Variants in ABCC3 observed in about 807,000 individuals in gnomAD.
ABCC3 encodes ATP binding cassette subfamily C member 3.
In ABCC3, 121 loss-of-function variants were observed where a neutral mutation model predicts 165.3. The ratio of observed to expected loss-of-function variants is 0.73; its 90% CI spans 0.63 to 0.85. The LOEUF (loss-of-function observed/expected upper bound fraction) is 0.85. Among genes scored for constraint, ABCC3 ranks in the 40% least tolerant of loss-of-function variants. The probability of loss-of-function intolerance (pLI) is 0.00; values close to 1 mark genes in which losing one functional copy is unlikely to be tolerated. For synonymous variants in ABCC3, 733 were observed against 810.1 expected (o/e 0.90, Z 1.62); for missense variants, 1,869 against 1,964.1 (o/e 0.95, Z 0.92).
intron 19 of ABCC3, 87 bp from the exon 20 acceptor site, chr17:50,675,275 C>T (rs754612165): frequency 2.2e-6 from 2 of 910,048 alleles, no homozygotes; most frequent in African/African-American, 1.6e-5. Flanking sequence ...CATTGAACCC[C>T]TTTCATTAGA....
Position 50,691,611 on chromosome 17 carries a change from A to C in ABCC3, c.*411A>C. The C allele has an allele frequency of 4.7e-6, 1 of 212,864 alleles. No homozygotes were observed. The highest frequency in any genetic ancestry group is 9.7e-6 in the Non-Finnish European group (1 of 103,498). The allele number at this position is 212,864 out of a possible 1,614,324, so 13.2% of individuals were successfully genotyped here. ...CAGAAGACAGCTGCTGGGTCAGGCC[A>C]CCCCTAGGAACTCAGTCCTGTACTC... On this transcript the variant is annotated 3_prime_UTR_variant, in exon 31 of 31. Coordinates refer to ENST00000285238, the MANE Select transcript of ABCC3 (RefSeq NM_003786.4).
In ABCC3 at chr17:50,658,111, C is replaced by G. The variant is rs1343082294; in HGVS notation, c.516C>G (p.Thr172=). The G allele has an allele frequency of 6.2e-7, 1 of 1,614,224 alleles. No homozygotes were observed. Among genetic ancestry groups the G allele is most frequent in the Non-Finnish European group, 8.5e-7 (1 of 1,180,038 alleles). ...AGATCTCAGACCCCTTCCGCTTCAC[C>G]ACCTTCTACATCCACTTTGCCCTGG... ...EGEISDPFRF[T]TFYIHFALVL... The change falls in exon 5 of 31, where the codon ACC becomes ACG. Residue 172 remains threonine (T), a synonymous_variant. Coordinates refer to ENST00000285238, the MANE Select transcript of ABCC3 (RefSeq NM_003786.4).
Position 50,691,161 on chromosome 17 carries a change from C to T in ABCC3, c.4545C>T (p.Gly1515=), listed in dbSNP as rs748245681. ...CAGCCAACCTCATTGCAGCTAGAGG[C>T]ATCTTCTACGGGATGGCCAGAGATG... is the stretch of plus-strand genomic sequence containing the variant. ...DSPANLIAAR[G]IFYGMARDAG... The change falls in exon 31 of 31, where the codon GGC becomes GGT. Residue 1515 remains glycine, a synonymous_variant. Transcript: ENST00000285238. 3 of 1,614,170 alleles carry T rather than the reference C, an allele frequency of 1.9e-6. No individual in the cohort carries two copies. Among genetic ancestry groups the T allele is most frequent in the African/African-American group, 1.3e-5 (1 of 75,070 alleles).
intron 5 of ABCC3, 54 bp downstream of exon 5, chr17:50,658,261 T>C (rs1967301347): frequency 6.2e-7 from 1 of 1,612,994 alleles, no homozygotes; most frequent in African/African-American, 1.3e-5. Context: ...TCAGCCCAAC[T>C]CTGACCAGCA....
chr17:50,656,954 C>T, intron 3 of ABCC3, 92 bp from the exon 4 acceptor site: 1 of 1,552,788 alleles, frequency 6.4e-7, no homozygotes, highest in Non-Finnish European at 8.7e-7. Context: ...AGGGGGTGGC[C>T]CCAGAAACTT....
intron 29 of ABCC3, among the ~76,000 whole-genome samples, chr17:50,686,212 T>C (rs957655549): frequency 2.0e-5 from 3 of 152,214 alleles, no homozygotes; most frequent in Non-Finnish European, 4.4e-5. Flanking sequence ...AAACTTTACA[T>C]TTGCCCAGCA....
Position 50,692,188 on chromosome 17 carries a change from CCA to C in ABCC3, c.*992_*993del, listed in dbSNP as rs1968135210. On this transcript the variant is annotated 3_prime_UTR_variant, in exon 31 of 31. Transcript: ENST00000285238. ...CACCTCCTGCCCAGAGAGAAGCCACCCACACTCCCAGGTTGGCAGACAAGATG... is the reference window on the plus strand; with the variant it reads ...CACCTCCTGCCCAGAGAGAAGCCACCCACTCCCAGGTTGGCAGACAAGATG... The C allele has an allele frequency of 1.3e-5, 2 of 152,248 alleles. No individual in the cohort carries two copies. The highest frequency in any genetic ancestry group is 4.1e-4 in the South Asian group (2 of 4,830). The allele number at this position is 152,248 out of a possible 1,614,324, so 9.4% of individuals were successfully genotyped here. A position where few individuals can be genotyped will look rare whatever the true frequency, so the allele number is the denominator to read the frequency against.
Position 50,661,204 on chromosome 17 carries a change from G to T in ABCC3, c.998+90G>T, listed in dbSNP as rs1047632884. 12 of 1,363,504 alleles carry T rather than the reference G, an allele frequency of 8.8e-6. No individual in the cohort carries two copies. In the African/African-American group the frequency reaches 1.2e-4, roughly 13 times the overall value. The allele number at this position is 1,363,504 out of a possible 1,614,324, so 84.5% of individuals were successfully genotyped here. ...AGGAAGGAACAACGTACAGTGAAAA[G>T]AACCCCAGACCAGGAACCAGGGAGG... On this transcript the variant is annotated intron_variant, in intron 8 of 30. Transcript: ENST00000285238.
intron 5 of ABCC3, 57 bp downstream of exon 5, chr17:50,658,264 G>T: frequency 6.2e-7 from 1 of 1,612,698 alleles, no homozygotes; most frequent in South Asian, 1.1e-5. Context: ...GCCCAACTCT[G>T]ACCAGCAGCC....
At chr17:50,639,489 A>G (rs2146585282) in intron 1 of ABCC3, among the ~76,000 whole-genome samples, 1 of 152,226 alleles carries the variant, frequency 6.6e-6, no homozygotes, top group South Asian at 2.1e-4. Context: ...GCAGGCTTCC[A>G]GGGAGGAAGG....
At chr17:50,662,924 G>T (rs1348597747) in intron 8 of ABCC3, among the ~76,000 whole-genome samples, 1 of 151,760 alleles carries the variant, frequency 6.6e-6, no homozygotes, top group African/African-American at 2.4e-5. Context: ...TCCAGCAGAG[G>T]TGGCCAGGGT....
intron 1 of ABCC3, among the ~76,000 whole-genome samples, chr17:50,636,431 G>T (rs896399240): frequency 6.6e-6 from 1 of 152,022 alleles, no homozygotes; most frequent in Admixed American, 6.6e-5. Flanking sequence ...GTGACCCAAA[G>T]GTTAATCCGA....
At chr17:50,687,274 C>T (rs539246137) in intron 29 of ABCC3, 17 of 460,964 alleles carry the variant, frequency 3.7e-5, no homozygotes, top group African/African-American at 1.7e-4. Context: ...AAGAAAGCAC[C>T]GAGAGAGGAG....
intron 1 of ABCC3, among the ~76,000 whole-genome samples, chr17:50,653,717 C>T (rs1232907691): frequency 1.3e-5 from 2 of 150,600 alleles, no homozygotes; most frequent in African/African-American, 4.9e-5. Flanking sequence ...CACACCATTG[C>T]ACTCCAGCCT....
intron 17 of ABCC3, among the ~76,000 whole-genome samples, chr17:50,671,823 A>G (rs990321535): frequency 6.7e-6 from 1 of 148,450 alleles, no homozygotes; most frequent in Non-Finnish European, 1.5e-5. Context: ...CCAGGTTCAA[A>G]CGATTCTCCT....
At chr17:50,672,859 C>G in intron 17 of ABCC3, 112 bp from the exon 18 acceptor site, 1 of 937,550 alleles carries the variant, frequency 1.1e-6, no homozygotes, top group Admixed American at 2.6e-5. Context: ...GTGAGTGAGA[C>G]CCCATCTCAG....
At chr17:50,658,277 C>CA in intron 5 of ABCC3, 70 bp downstream of exon 5, 4 of 1,609,174 alleles carry the variant, frequency 2.5e-6, no homozygotes, top group South Asian at 1.1e-5. Flanking sequence ...CAGCAGCCCC[C>CA]AACCCCTCCA....
chr17:50,658,470 C>T lies in ABCC3; in HGVS notation c.648C>T (p.Ser216=), dbSNP rs1352817901. 3.7e-6 allele frequency: 6 copies of T among 1,614,210 alleles called. No individual in the cohort carries two copies. The highest frequency in any genetic ancestry group is 5.1e-6 in the Non-Finnish European group (6 of 1,180,020). The stretch of plus-strand genomic sequence containing the variant: ...CTGAGACCAGCGCTGGCTTTCTCTC[C>T]CGCCTGTTTTTCTGGTGGTTCACAA... ...PYPETSAGFL[S]RLFFWWFTKM... The change falls in exon 6 of 31, where the codon TCC becomes TCT. Residue 216 remains serine (S), a synonymous_variant. Coordinates refer to ENST00000285238, the MANE Select transcript of ABCC3 (RefSeq NM_003786.4).
Position 50,667,660 on chromosome 17 carries a change from A to G in ABCC3, c.1538A>G (p.Gln513Arg). Residue 513 changes from glutamine (Q) to arginine (R), a missense_variant, in exon 12 of 31, where the codon CAG (glutamine) becomes CGG (arginine). Gln to Arg is a conservative substitution (Grantham distance 43). Transcript: ENST00000285238. ...GCCTGGGAGCCCAGCTTCCTGAAGC[A>G]GGTGGAGGGCATCAGGCAGGGTGAG... ...LYAWEPSFLK[Q>R]VEGIRQGELQ... 6.2e-7 allele frequency: 1 copy of G among 1,614,190 alleles called. No individual in the cohort carries two copies. The highest frequency in any genetic ancestry group is 8.5e-7 in the Non-Finnish European group (1 of 1,180,032).
Sources: gnomAD v4.1 joint callset for allele counts (sites outside exome capture counted in the v4.1 genomes callset) on GRCh38, gnomAD v4.1.1 for gene constraint, MANE v1.5 for transcripts, NCBI Gene and HGNC (gene_info 2026-07-23, HGNC 2026-07-21) for gene names.